Variants in CHP1 observed in about 807,000 individuals in gnomAD.
The protein encoded by CHP1 is calcineurin like EF-hand protein 1.
Under a neutral mutation model 27.4 loss-of-function variants are expected in CHP1, and 11 were observed. That is an observed-to-expected ratio of 0.40 (90% CI 0.25 to 0.67). CHP1 has a LOEUF of 0.67. Ranked by LOEUF, CHP1 falls within the 30% of genes least tolerant of loss-of-function variation. CHP1 has a pLI of 0.38. For missense variants in CHP1, 169 were observed against 251.3 expected, an observed-to-expected ratio of 0.67 and a Z score of 2.22; for synonymous variants, 89 against 87.4, an observed-to-expected ratio of 1.02 and a Z score of -0.10.
chr15:41,279,493 G>GTA lies in CHP1; in HGVS notation c.*105_*106dup, dbSNP rs2047535564. ...ACCCCCTCATTCCCCTTCTCCCAAAGTACTACTGCTGTTGCATGACAACCC... is the reference window on the plus strand; with the variant it reads ...ACCCCCTCATTCCCCTTCTCCCAAAGTATACTACTGCTGTTGCATGACAACCC... On this transcript the variant is annotated 3_prime_UTR_variant, in exon 7 of 7. Coordinates refer to ENST00000334660, the MANE Select transcript of CHP1 (RefSeq NM_007236.5). The GTA allele has an allele frequency of 3.2e-6, 3 of 939,606 alleles. No individual in the cohort carries two copies. The highest frequency in any genetic ancestry group is 5.0e-6 in the Non-Finnish European group (3 of 594,254). 58.2% of individuals were successfully genotyped at this position (939,606 alleles called of 1,614,324 possible). A position where few individuals can be genotyped will look rare whatever the true frequency, so the allele number is the denominator to read the frequency against.
chr15:41,260,832 A>T (rs1410573070), intron 3 of CHP1, among the ~76,000 whole-genome samples: 1 of 152,170 alleles, frequency 6.6e-6, no homozygotes. Flanking sequence ...TTAAAAAAAA[A>T]GGCAGGATAC....
intron 2 of CHP1, among the ~76,000 whole-genome samples, chr15:41,246,485 A>G (rs1257413498): frequency 2.0e-5 from 3 of 151,178 alleles, no homozygotes; most frequent in Admixed American, 6.6e-5. Flanking sequence ...ACGCCCTGCT[A>G]ATTTCTGTAT....
intron 6 of CHP1, 92 bp from the exon 7 acceptor site, chr15:41,279,244 A>G: frequency 9.8e-7 from 1 of 1,018,634 alleles, no homozygotes; most frequent in Middle Eastern, 2.1e-4. Flanking sequence ...TTTACTGCAC[A>G]GGAGGAAGGG....
At chr15:41,243,380 G>A (rs1278587583) in intron 1 of CHP1, among the ~76,000 whole-genome samples, 1 of 152,098 alleles carries the variant, frequency 6.6e-6, no homozygotes, top group African/African-American at 2.4e-5. Context: ...GGACAGGACA[G>A]GACAAAATTT....
chr15:41,247,980 T>A (rs865957764), intron 2 of CHP1, among the ~76,000 whole-genome samples: 74 of 141,116 alleles, frequency 5.2e-4, no homozygotes, highest in African/African-American at 1.9e-3. Flanking sequence ...AATAAAAAAA[T>A]AAATAAATAA....
At position 41,241,426 on chromosome 15, in the gene CHP1, A is replaced by G. The variant is rs942276298; in HGVS notation, c.68-2241A>G. ...GCACTTTGCCAAGCATTTTCCTTTC[A>G]TTGACTGGTGAGTTCGCTCTACAAT... is the stretch of plus-strand genomic sequence containing the variant. On this transcript the variant is annotated intron_variant, in intron 1 of 6. Coordinates refer to ENST00000334660, the MANE Select transcript of CHP1 (RefSeq NM_007236.5). Among the ~76,000 whole-genome samples, 4 of 152,168 alleles carry G rather than the reference A, an allele frequency of 2.6e-5. No individual in the cohort carries two copies. The South Asian group carries it at 8.3e-4, about 31-fold the overall frequency.
At chr15:41,235,111 G>A (rs2047270121) in intron 1 of CHP1, among the ~76,000 whole-genome samples, 1 of 151,996 alleles carries the variant, frequency 6.6e-6, no homozygotes, top group Non-Finnish European at 1.5e-5. Flanking sequence ...TTTTCATAAA[G>A]CTTATTTGAA....
At chr15:41,262,734 GT>G in intron 3 of CHP1, 21 bp from the exon 4 acceptor site, 1 of 1,611,276 alleles carries the variant, frequency 6.2e-7, no homozygotes, top group East Asian at 2.2e-5. Context: ...ATGGTGTTGT[GT>G]TTGTTATATT....
At chr15:41,236,695 C>T (rs2047278707) in intron 1 of CHP1, among the ~76,000 whole-genome samples, 1 of 152,120 alleles carries the variant, frequency 6.6e-6, no homozygotes, top group African/African-American at 2.4e-5. Context: ...CTGGATAAAC[C>T]ATTTGAAAGT....
intron 4 of CHP1, among the ~76,000 whole-genome samples, chr15:41,263,575 G>T (rs2047444041): frequency 6.6e-6 from 1 of 152,142 alleles, no homozygotes; most frequent in East Asian, 1.9e-4. Context: ...AATTACAGTT[G>T]TATTAAAACT....
chr15:41,246,974 A>T (rs1244473847), intron 2 of CHP1, among the ~76,000 whole-genome samples: 1 of 146,356 alleles, frequency 6.8e-6, no homozygotes, highest in Non-Finnish European at 1.5e-5. Context: ...TCACAAGGTC[A>T]GGAGGTCGAG....
chr15:41,270,688 C>A (rs892921755), intron 5 of CHP1, 70 bp downstream of exon 5: 191 of 1,219,968 alleles, frequency 1.6e-4, no homozygotes, highest in Admixed American at 1.1e-3. Context: ...AGGAACTATT[C>A]TTTCCTTTAG....
At chr15:41,275,046 C>G (rs1409175476) in intron 5 of CHP1, among the ~76,000 whole-genome samples, 1 of 152,092 alleles carries the variant, frequency 6.6e-6, no homozygotes, top group South Asian at 2.1e-4. Flanking sequence ...CCTCAGCCTC[C>G]CAAAGTCCTG....
At chr15:41,261,761 G>A (rs959976493) in intron 3 of CHP1, among the ~76,000 whole-genome samples, 2 of 152,030 alleles carry the variant, frequency 1.3e-5, no homozygotes, top group Non-Finnish European at 2.9e-5. Flanking sequence ...GGGAGGCTGA[G>A]GCGGGCAGAT....
At position 41,280,736 on chromosome 15, in the gene CHP1, C is replaced by G. The variant is rs2047541366; in HGVS notation, c.*1347C>G. 1 of 151,740 alleles carries G rather than the reference C, an allele frequency of 6.6e-6. No homozygotes were observed. The highest frequency in any genetic ancestry group is 2.4e-5 in the African/African-American group (1 of 41,252). 9.4% of individuals were successfully genotyped at this position (151,740 alleles called of 1,614,324 possible). A position where few individuals can be genotyped will look rare whatever the true frequency, so the allele number is the denominator to read the frequency against. Reference sequence around the variant, plus strand: ...CCATGTTGGCCAGGCTGGTCTCGAACTCCTGACCTCGTGATCCGCCTGCCT... The same window carrying G: ...CCATGTTGGCCAGGCTGGTCTCGAAGTCCTGACCTCGTGATCCGCCTGCCT... On this transcript the variant is annotated 3_prime_UTR_variant, in exon 7 of 7. Coordinates refer to ENST00000334660, the MANE Select transcript of CHP1 (RefSeq NM_007236.5).
chr15:41,255,430 T>C (rs1407624155), intron 2 of CHP1, among the ~76,000 whole-genome samples: 1 of 152,130 alleles, frequency 6.6e-6, no homozygotes, highest in Non-Finnish European at 1.5e-5. Context: ...CCCAGGACTT[T>C]GGGAGGCTGA....
intron 5 of CHP1, among the ~76,000 whole-genome samples, chr15:41,271,254 CAAAAAAAAA>C (rs143070752): frequency 5.3e-5 from 4 of 75,714 alleles, no homozygotes; most frequent in African/African-American, 1.6e-4. Flanking sequence ...GATTCCGTCT[CAAAAAAAAA>C]AAAAAAAAAA....
At chr15:41,232,745 A>G (rs2047258380) in intron 1 of CHP1, among the ~76,000 whole-genome samples, 2 of 152,194 alleles carry the variant, frequency 1.3e-5, no homozygotes, top group Admixed American at 6.5e-5. Flanking sequence ...TCTCTTCATC[A>G]TACTTGTCTT....
At chr15:41,269,887 A>G (rs553625607) in intron 4 of CHP1, among the ~76,000 whole-genome samples, 1 of 152,276 alleles carries the variant, frequency 6.6e-6, no homozygotes, top group South Asian at 2.1e-4. Flanking sequence ...TTATCACCCT[A>G]TTCTCTTGGT....
Sources: allele counts gnomAD v4.1 joint callset (sites outside exome capture counted in the v4.1 genomes callset), GRCh38; gene constraint gnomAD v4.1.1; transcripts MANE v1.5; gene names NCBI Gene and HGNC (gene_info 2026-07-23, HGNC 2026-07-21).